EFNA5: variants seen among roughly 807,000 people sequenced by gnomAD.
The protein encoded by EFNA5 is ephrin-A5.
Under a neutral mutation model 22.9 loss-of-function variants are expected in EFNA5, and 5 were observed. The observed-to-expected ratio is 0.22, with a 90% CI of 0.11 to 0.46. EFNA5 has a LOEUF of 0.46. Among genes scored for constraint, EFNA5 ranks in the 20% least tolerant of loss-of-function variants. The pLI is 0.99. For missense variants in EFNA5, 237 were observed against 293.3 expected (o/e 0.81, Z 1.40); for synonymous variants, 113 against 112.2 (o/e 1.01, Z -0.04).
rs551971780 is a variant in EFNA5, at chr5:107,477,829, C to T, written c.126-50320G>A. 4.6e-5 allele frequency among the ~76,000 whole-genome samples: 7 copies of T among 152,062 alleles called. 1 individual carries two copies. The highest frequency in any genetic ancestry group is 1.7e-4 in the African/African-American group (7 of 41,452). ...CTTTAACTATATAGTACTTTATTTG[C>T]TAAATTATGCAAATCAATATACCCT... On this transcript the variant is annotated intron_variant, in intron 1 of 4. Coordinates refer to ENST00000333274, the MANE Select transcript of EFNA5 (RefSeq NM_001962.3).
intron 1 of EFNA5, among the ~76,000 whole-genome samples, chr5:107,429,270 T>G (rs1057125969): frequency 1.3e-5 from 2 of 152,122 alleles, no homozygotes; most frequent in African/African-American, 4.8e-5. Context: ...TGGCGAAACC[T>G]TGTCTCTACT....
At chr5:107,622,736 A>G (rs1750059886) in intron 1 of EFNA5, among the ~76,000 whole-genome samples, 1 of 151,938 alleles carries the variant, frequency 6.6e-6, no homozygotes, top group Non-Finnish European at 1.5e-5. Context: ...AAAGTTGAAT[A>G]CTCGGCCGGG....
intron 1 of EFNA5, among the ~76,000 whole-genome samples, chr5:107,650,952 G>A (rs1750716589): frequency 1.3e-5 from 2 of 152,196 alleles, no homozygotes; most frequent in African/African-American, 4.8e-5. Context: ...ATTTGTAGTG[G>A]ATGCCAAATT....
intron 1 of EFNA5, among the ~76,000 whole-genome samples, chr5:107,472,414 T>C (rs940135058): frequency 1.3e-5 from 2 of 152,186 alleles, no homozygotes; most frequent in Admixed American, 6.5e-5. Context: ...TGTAACACTT[T>C]GGATGTTAAA....
At chr5:107,410,739 T>A (rs190959668) in intron 2 of EFNA5, among the ~76,000 whole-genome samples, 230 of 152,332 alleles carry the variant, frequency 1.5e-3, no homozygotes, top group African/African-American at 5.1e-3. Context: ...AATTTTCTTG[T>A]TCCTTGTAAC....
In EFNA5 at chr5:107,381,022, G is replaced by A; in HGVS notation, c.*233C>T. On this transcript the variant is annotated 3_prime_UTR_variant, in exon 5 of 5. Coordinates refer to ENST00000333274, the MANE Select transcript of EFNA5 (RefSeq NM_001962.3). ...TCCATTTAATTTGGGAGGGGTGAGA[G>A]AAGCCAAGGGCCAGGGCTGGGGGTG... 3.7e-6 allele frequency: 1 copy of A among 268,648 alleles called. No homozygotes were observed. The highest frequency in any genetic ancestry group is 6.6e-6 in the Non-Finnish European group (1 of 152,014). 16.6% of individuals were successfully genotyped at this position (268,648 alleles called of 1,614,324 possible). A position where few individuals can be genotyped will look rare whatever the true frequency, so the allele number is the denominator to read the frequency against.
chr5:107,443,329 A>G (rs575391464), intron 1 of EFNA5, among the ~76,000 whole-genome samples: 1 of 152,194 alleles, frequency 6.6e-6, no homozygotes, highest in East Asian at 1.9e-4. Context: ...GCAAAAGAGA[A>G]ATTTCTTGGG....
chr5:107,476,762 A>T (rs991073105), intron 1 of EFNA5, among the ~76,000 whole-genome samples: 2 of 101,164 alleles, frequency 2.0e-5, no homozygotes, highest in Non-Finnish European at 4.5e-5. Flanking sequence ...TCTCTCTCTC[A>T]CAGGAACATC....
At chr5:107,475,293 G>A (rs1160524001) in intron 1 of EFNA5, among the ~76,000 whole-genome samples, 1 of 152,180 alleles carries the variant, frequency 6.6e-6, no homozygotes, top group Admixed American at 6.5e-5. Flanking sequence ...CTTGTGAGAT[G>A]GCTAATCATT....
intron 4 of EFNA5, among the ~76,000 whole-genome samples, chr5:107,382,000 G>A (rs902470067): frequency 2.0e-5 from 3 of 152,146 alleles, no homozygotes; most frequent in African/African-American, 7.2e-5. Context: ...CAATTATGGT[G>A]CTATTTCTAT....
intron 2 of EFNA5, among the ~76,000 whole-genome samples, chr5:107,396,487 G>C (rs546369086): frequency 1.1e-4 from 16 of 152,328 alleles, no homozygotes; most frequent in Non-Finnish European, 2.2e-4. Flanking sequence ...TGGGGCCTCT[G>C]CATGGGGATA....
chr5:107,476,112 C>T lies in EFNA5; in HGVS notation c.126-48603G>A, dbSNP rs181394975. On this transcript the variant is annotated intron_variant, in intron 1 of 4. Transcript: ENST00000333274. ...TGTTGCTCAGGCTGGAGTGTAATGG[C>T]GCGATCTCGGCTCACTGCAACCTCC... Among the ~76,000 whole-genome samples, 16 of 104,502 alleles carry T rather than the reference C, an allele frequency of 1.5e-4. No homozygotes were observed. The East Asian group carries it at 2.9e-3, about 19-fold the overall frequency. 68.6% of individuals were successfully genotyped at this position (104,502 alleles called of 152,430 possible). A position where few individuals can be genotyped will look rare whatever the true frequency, so the allele number is the denominator to read the frequency against.
intron 1 of EFNA5, among the ~76,000 whole-genome samples, chr5:107,626,496 G>T (rs745951255): frequency 6.6e-6 from 1 of 151,922 alleles, no homozygotes; most frequent in Non-Finnish European, 1.5e-5. Context: ...GCCCAGACTG[G>T]TCTCAAACTC....
At chr5:107,591,826 A>AAT (rs753706753) in intron 1 of EFNA5, among the ~76,000 whole-genome samples, 8,144 of 96,470 alleles carry the variant, frequency 0.084, 840 homozygotes, top group Non-Finnish European at 0.13. Context: ...GTCTCAAAAA[A>AAT]ATATATATAT....
Position 107,647,363 on chromosome 5 carries a change from A to T in EFNA5, c.125+23126T>A, listed in dbSNP as rs758416838. On this transcript the variant is annotated intron_variant, in intron 1 of 4. Transcript: ENST00000333274. ...GTAACTCAATATTTATAAAAGAGAA[A>T]CATAGTTCAAAATCATAGCCCCATA... 2.3e-4 allele frequency among the ~76,000 whole-genome samples: 35 copies of T among 152,288 alleles called. 1 individual carries two copies. The highest frequency in any genetic ancestry group is 3.7e-4 in the Non-Finnish European group (25 of 68,010).
At chr5:107,612,193 C>T (rs939026598) in intron 1 of EFNA5, among the ~76,000 whole-genome samples, 5 of 152,106 alleles carry the variant, frequency 3.3e-5, no homozygotes, top group Non-Finnish European at 7.4e-5. Flanking sequence ...ATTTATTTCT[C>T]TTATTACTTT....
intron 1 of EFNA5, among the ~76,000 whole-genome samples, chr5:107,480,864 T>G (rs186820642): frequency 6.6e-6 from 1 of 152,092 alleles, no homozygotes. Flanking sequence ...GGTGACTGCC[T>G]AGAAATGAGC....
chr5:107,448,061 G>T (rs565744427), intron 1 of EFNA5, among the ~76,000 whole-genome samples: 1 of 152,252 alleles, frequency 6.6e-6, no homozygotes, highest in South Asian at 2.1e-4. Flanking sequence ...CTCCCAAAGT[G>T]CTGGGATTAT....
intron 1 of EFNA5, among the ~76,000 whole-genome samples, chr5:107,436,538 G>A (rs1264623852): frequency 1.3e-5 from 2 of 152,084 alleles, no homozygotes; most frequent in South Asian, 2.1e-4. Context: ...CCTAACAGAC[G>A]TCACTCCCAC....
Sources: allele counts gnomAD v4.1 joint callset (sites outside exome capture counted in the v4.1 genomes callset), GRCh38; gene constraint gnomAD v4.1.1; transcripts MANE v1.5; gene names NCBI Gene and HGNC (gene_info 2026-07-23, HGNC 2026-07-21).